The following RBM22 variants were observed in gnomAD, a reference collection of about 807,000 sequenced individuals.
RBM22 encodes RNA binding motif protein 22.
A neutral mutation model predicts 50.1 loss-of-function variants in RBM22; 1 was observed. The observed-to-expected ratio is 0.02, with a 90% CI of 0.01 to 0.09. The LOEUF (loss-of-function observed/expected upper bound fraction) is 0.09, where lower values mean the gene tolerates loss of function less well. Ranked by LOEUF, RBM22 falls within the 10% of genes least tolerant of loss-of-function variation. RBM22 has a pLI of 1.00. For synonymous variants in RBM22, 152 were observed against 179.0 expected, an observed-to-expected ratio of 0.85 and a Z score of 1.20; for missense variants, 264 against 529.3, an observed-to-expected ratio of 0.50 and a Z score of 4.92.
At position 150,694,062 on chromosome 5, in the gene RBM22, A is replaced by G. The variant is rs745644002; in HGVS notation, c.911+14T>C. 1 of 1,605,742 alleles carries G rather than the reference A, an allele frequency of 6.2e-7. No individual in the cohort carries two copies. Among genetic ancestry groups the G allele is most frequent in the South Asian group, 1.1e-5 (1 of 89,922 alleles). Reference sequence around the variant, plus strand: ...TCTAAGCAAAATGTCACTTAAAAATAGTTTAATTCTCACCTTCCCCATTTC... The same window carrying G: ...TCTAAGCAAAATGTCACTTAAAAATGGTTTAATTCTCACCTTCCCCATTTC... On this transcript the variant is annotated intron_variant, in intron 8 of 10. Coordinates refer to ENST00000199814, the MANE Select transcript of RBM22 (RefSeq NM_018047.3).
intron 1 of RBM22, 33 bp from the exon 2 acceptor site, chr5:150,700,530 C>T (rs1361075484): frequency 6.2e-7 from 1 of 1,613,912 alleles, no homozygotes; most frequent in Non-Finnish European, 8.5e-7. Context: ...TTGAGGACCA[C>T]CCTCCGAAGA....
chr5:150,698,463 G>A (rs1435957712), intron 4 of RBM22, 36 bp downstream of exon 4: 1 of 1,605,780 alleles, frequency 6.2e-7, no homozygotes, highest in Non-Finnish European at 8.5e-7. Context: ...TTAGGCACCT[G>A]CACACTTTCA....
chr5:150,700,683 A>G (rs1168228245), intron 1 of RBM22, 186 bp from the exon 2 acceptor site: 1 of 1,527,432 alleles, frequency 6.5e-7, no homozygotes, highest in Non-Finnish European at 8.8e-7. Flanking sequence ...GCGGGAGAAA[A>G]GAAAACCAGC....
At position 150,695,522 on chromosome 5, in the gene RBM22, T is replaced by C; in HGVS notation, c.730A>G (p.Thr244Ala). ...LYVGGLGDTI[T>A]ETDLRNHFYQ... Reference sequence around the variant, plus strand: ...CCCACAAACCTTAAATCTGTCTCAGTAATGGTATCACCTAGACCACCAACA... The same window carrying C: ...CCCACAAACCTTAAATCTGTCTCAGCAATGGTATCACCTAGACCACCAACA... Residue 244 changes from threonine (T) to alanine (A), a missense_variant, in exon 7 of 11, where the codon ACT becomes GCT. Physicochemically the swap from Thr to Ala is moderately conservative, Grantham distance 58. Around this residue, in one of 7 missense-constraint regions of RBM22, gnomAD observed 62 missense variants for 102.6 expected, o/e 0.60. Coordinates refer to ENST00000199814, the MANE Select transcript of RBM22 (RefSeq NM_018047.3). 6.2e-7 allele frequency: 1 copy of C among 1,613,614 alleles called. No individual in the cohort carries two copies. The highest frequency in any genetic ancestry group is 8.5e-7 in the Non-Finnish European group (1 of 1,179,604).
intron 2 of RBM22, among the ~76,000 whole-genome samples, chr5:150,699,606 G>A (rs1044411797): frequency 3.3e-5 from 5 of 152,216 alleles, no homozygotes; most frequent in Admixed American, 6.5e-5. Flanking sequence ...GCAACATAGC[G>A]AGATGCTGTC....
At chr5:150,694,685 C>T (rs1759252519) in intron 7 of RBM22, 1 of 154,780 alleles carries the variant, frequency 6.5e-6, no homozygotes, top group Non-Finnish European at 1.4e-5. Context: ...GGTTGTCTAG[C>T]TCACTTAGAT....
At position 150,691,843 on chromosome 5, in the gene RBM22, G is replaced by A; in HGVS notation, c.1171C>T (p.Pro391Ser). ...GGTCCTGGAGCCCGCATGAAAGGAG[G>A]GGGTGGTCCCATTGGGTGGAACATG... The part of the protein sequence containing the change: ...PHMFHPMGPP[P>S]PFMRAPGPIH... Residue 391 changes from proline (P) to serine (S), a missense_variant, in exon 11 of 11, where the codon CCT becomes TCT. Pro to Ser is a moderately conservative substitution (Grantham distance 74). This residue lies in a region of RBM22 where 106 missense variants were observed against 137.1 expected (regional missense o/e 0.77). Coordinates refer to ENST00000199814, the MANE Select transcript of RBM22 (RefSeq NM_018047.3). The A allele has an allele frequency of 3.1e-6, 5 of 1,600,194 alleles. No homozygotes were observed. The highest frequency in any genetic ancestry group is 4.3e-6 in the Non-Finnish European group (5 of 1,173,286).
Position 150,691,613 on chromosome 5 carries a change from C to G in RBM22, c.*138G>C. The G allele has an allele frequency of 9.8e-7, 1 of 1,024,858 alleles. No individual in the cohort carries two copies. Among genetic ancestry groups the G allele is most frequent in the Non-Finnish European group, 1.3e-6 (1 of 758,016 alleles). 63.5% of individuals were successfully genotyped at this position (1,024,858 alleles called of 1,614,324 possible). A position where few individuals can be genotyped will look rare whatever the true frequency, so the allele number is the denominator to read the frequency against. On this transcript the variant is annotated 3_prime_UTR_variant, in exon 11 of 11. Transcript: ENST00000199814. The stretch of plus-strand genomic sequence containing the variant: ...AACAAGTATAGGAAAGCATGGCTGT[C>G]AGTCTCTGACTGCTCACATCTGAGC...
At chr5:150,692,618 TAGTTTAGAAA>T (rs1050362716) in intron 10 of RBM22, among the ~76,000 whole-genome samples, 3 of 152,142 alleles carry the variant, frequency 2.0e-5, no homozygotes, top group Admixed American at 2.0e-4. Flanking sequence ...CATTAGCATT[TAGTTTAGAAA>T]AGGGAACAAA....
Position 150,692,897 on chromosome 5 carries a change from G to T in RBM22, c.1130C>A (p.Pro377Gln). 6.3e-7 allele frequency: 1 copy of T among 1,595,638 alleles called. No individual in the cohort carries two copies. Among genetic ancestry groups the T allele is most frequent in the Non-Finnish European group, 8.5e-7 (1 of 1,172,496 alleles). Residue 377 changes from proline to glutamine, a missense_variant and splice_region_variant, in exon 10 of 11, where the codon CCA becomes CAA. Coordinates refer to ENST00000199814, the MANE Select transcript of RBM22 (RefSeq NM_018047.3). ...CTAAGAAGGAAGATGGAAGTTACCT[G>T]GGGGTGGGGGTGGAGCAATGCCAGG... ...PPPGIAPPPP[P>Q]GFGPHMFHPM... is the part of the protein sequence containing the mutation.
chr5:150,700,790 C>A, intron 1 of RBM22, 142 bp downstream of exon 1: 1 of 1,572,808 alleles, frequency 6.4e-7, no homozygotes, highest in Non-Finnish European at 8.6e-7. Context: ...TCGCCCTCCG[C>A]CCTCCTGCTC....
intron 6 of RBM22, among the ~76,000 whole-genome samples, chr5:150,695,988 C>T (rs1759271634): frequency 1.3e-5 from 2 of 148,580 alleles, no homozygotes; most frequent in Non-Finnish European, 3.0e-5. Flanking sequence ...CACCCCCTCC[C>T]GCCCCCCAGA....
At chr5:150,693,195 A>G in intron 9 of RBM22, 24 bp downstream of exon 9, 6 of 1,598,834 alleles carry the variant, frequency 3.8e-6, no homozygotes, top group Non-Finnish European at 5.1e-6. Flanking sequence ...GAGCTTCTGA[A>G]GTCAGCAGGG....
chr5:150,696,683 C>G lies in RBM22; in HGVS notation c.395G>C (p.Arg132Pro). 1.2e-6 allele frequency: 2 copies of G among 1,614,010 alleles called. No homozygotes were observed. The highest frequency in any genetic ancestry group is 2.2e-5 in the South Asian group (2 of 91,068). ...EREISNSDGTRPVGMLGKATS... is the reference protein window; with the variant it reads ...EREISNSDGTPPVGMLGKATS... The stretch of plus-strand genomic sequence containing the variant: ...GGCTTTCCCCAGCATGCCAACTGGC[C>G]GTGTTCCATCAGAGTTAGAAATCTA... Residue 132 changes from arginine to proline, a missense_variant, in exon 6 of 11, where the codon CGG becomes CCG. Around this residue, in one of 7 missense-constraint regions of RBM22, gnomAD observed 44 missense variants for 57.9 expected, o/e 0.76. Transcript: ENST00000199814. The surrounding 1 kb of genome is among the most constrained non-coding windows in gnomAD (Gnocchi z 4.3).
rs34381493 is a variant in RBM22 at position 150,696,869 on chromosome 5, G to A, written c.294C>T (p.Asp98=). Residue 98 remains aspartate, a synonymous_variant, in exon 5 of 11, where the codon GAC becomes GAT. Coordinates refer to ENST00000199814, the MANE Select transcript of RBM22 (RefSeq NM_018047.3). The surrounding 1 kb of genome is among the most constrained non-coding windows in gnomAD (Gnocchi z 4.3). ...LEYGLPIQVR[D]AGLSFKDDMP... The stretch of plus-strand genomic sequence containing the variant: ...TGTCATCTTTAAAAGACAATCCTGC[G>A]TCACGAACCTGGATGGGCAGGCCTG... 1.1e-4 allele frequency: 181 copies of A among 1,614,076 alleles called. No homozygotes were observed. The highest frequency in any genetic ancestry group is 6.4e-4 in the African/African-American group (48 of 74,982).
intron 7 of RBM22, 69 bp from the exon 8 acceptor site, chr5:150,694,309 G>T: frequency 6.5e-7 from 1 of 1,527,812 alleles, no homozygotes. Context: ...GACTGAAAAT[G>T]GATTAACTTT....
chr5:150,697,701 G>A (rs908624832), intron 4 of RBM22: 3 of 332,150 alleles, frequency 9.0e-6, no homozygotes, highest in African/African-American at 2.3e-5. Flanking sequence ...TAACTCTAAT[G>A]AACTTAACAT....
chr5:150,694,438 A>G (rs1234898233), intron 7 of RBM22, 198 bp from the exon 8 acceptor site: 1 of 819,606 alleles, frequency 1.2e-6, no homozygotes. Context: ...AAGAAAAATA[A>G]TGAGTAAATA....
At chr5:150,698,695 A>G in intron 3 of RBM22, 64 bp from the exon 4 acceptor site, 4 of 1,582,756 alleles carry the variant, frequency 2.5e-6, no homozygotes, top group South Asian at 2.3e-5. Context: ...TGGAGATCTG[A>G]TAACAACGGG....
Sources: allele counts gnomAD v4.1 joint callset (sites outside exome capture counted in the v4.1 genomes callset), GRCh38; gene constraint gnomAD v4.1.1; regional missense constraint gnomAD v4.1.1; non-coding constraint Gnocchi (gnomAD v3.1); transcripts MANE v1.5; gene names NCBI Gene and HGNC (gene_info 2026-07-23, HGNC 2026-07-21).